Variants in PTPN3 observed in about 807,000 individuals in gnomAD.
PTPN3 encodes protein tyrosine phosphatase non-receptor type 3.
Under a neutral mutation model 132.7 loss-of-function variants are expected in PTPN3, and 96 were observed. That is an observed-to-expected ratio of 0.72 (90% CI 0.61 to 0.86). The LOEUF is 0.86. PTPN3 is among the 40% of genes least tolerant of loss of function. The pLI, the probability that PTPN3 is intolerant of heterozygous loss-of-function variation, is 0.00. For missense variants in PTPN3, 1,125 were observed against 1,159.6 expected, an observed-to-expected ratio of 0.97 and a Z score of 0.43; for synonymous variants, 398 against 429.0, an observed-to-expected ratio of 0.93 and a Z score of 0.89.
the PTPN3 span, among the ~76,000 whole-genome samples, chr9:109,521,093 C>CA: frequency 1.7e-4 from 26 of 151,962 alleles, no homozygotes; most frequent in Non-Finnish European, 2.9e-4. Flanking sequence ...AATGAATCAA[C>CA]AAAAAAAGAG....
intron 1 of PTPN3, among the ~76,000 whole-genome samples, chr9:109,476,564 G>A (rs1248681550): frequency 2.0e-5 from 3 of 152,178 alleles, no homozygotes; most frequent in Non-Finnish European, 4.4e-5. Context: ...AGAGTGGTCC[G>A]TGACTGGACC....
At chr9:109,529,371 A>G in the PTPN3 span, among the ~76,000 whole-genome samples, 1 of 152,240 alleles carries the variant, frequency 6.6e-6, no homozygotes, top group Admixed American at 6.5e-5. Flanking sequence ...CTGTGCTTTA[A>G]CCATCCCTTC....
the PTPN3 span, among the ~76,000 whole-genome samples, chr9:109,513,151 G>A: frequency 7.2e-5 from 11 of 152,100 alleles, no homozygotes; most frequent in Non-Finnish European, 1.3e-4. Context: ...TGGGACTACA[G>A]GTATGTGTAC....
chr9:109,486,827 T>C (rs771532377), intron 1 of PTPN3, among the ~76,000 whole-genome samples: 1 of 152,102 alleles, frequency 6.6e-6, no homozygotes, highest in Non-Finnish European at 1.5e-5. Flanking sequence ...CTGCTGTTCT[T>C]GTGATAGTGA....
the PTPN3 span, among the ~76,000 whole-genome samples, chr9:109,510,190 C>A: frequency 6.6e-6 from 1 of 152,124 alleles, no homozygotes; most frequent in African/African-American, 2.4e-5. Context: ...CCCATCTATT[C>A]AATGGAAAAA....
At chr9:109,437,665 C>G (rs925616302) in intron 8 of PTPN3, among the ~76,000 whole-genome samples, 1 of 152,218 alleles carries the variant, frequency 6.6e-6, no homozygotes, top group East Asian at 1.9e-4. Flanking sequence ...ATGCTCCCCA[C>G]TTGGACATAG....
chr9:109,389,195 A>G (rs375966290), intron 22 of PTPN3, 38 bp downstream of exon 22: 106 of 1,609,680 alleles, frequency 6.6e-5, no homozygotes, highest in Non-Finnish European at 8.7e-5. Context: ...GTAGGGTGTG[A>G]CACTGCACAC....
At chr9:109,467,651 G>C (rs1217974401) in intron 1 of PTPN3, among the ~76,000 whole-genome samples, 4 of 152,204 alleles carry the variant, frequency 2.6e-5, no homozygotes. Flanking sequence ...AAAAAACTAA[G>C]ATTTGAAACA....
chr9:109,383,209 C>G (rs893972669), intron 23 of PTPN3: 2 of 689,954 alleles, frequency 2.9e-6, no homozygotes, highest in Non-Finnish European at 4.9e-6. Context: ...ATTCCTCCAT[C>G]GATGGACACT....
rs548194684 is a variant in PTPN3, at chr9:109,455,619, T to C, written c.290-1045A>G. 2.0e-5 allele frequency among the ~76,000 whole-genome samples: 3 copies of C among 152,372 alleles called. No homozygotes were observed. In the South Asian group the frequency reaches 6.2e-4, roughly 32 times the overall value. ...GGATGGCGCTATGACAATCTGCACA[T>C]CAGGGGAGAACAATGTCCTCCTGCT... is the stretch of plus-strand genomic sequence containing the variant. On this transcript the variant is annotated intron_variant, in intron 4 of 25. Transcript: ENST00000374541.
At chr9:109,464,447 C>T (rs752397705) in intron 1 of PTPN3, among the ~76,000 whole-genome samples, 1 of 152,108 alleles carries the variant, frequency 6.6e-6, no homozygotes, top group South Asian at 2.1e-4. Context: ...AACTACCTTT[C>T]GGGTACTATG....
intron 1 of PTPN3, among the ~76,000 whole-genome samples, chr9:109,468,470 C>G (rs1467517532): frequency 7.9e-5 from 12 of 152,194 alleles, no homozygotes; most frequent in Admixed American, 2.0e-4. Flanking sequence ...GGGTTCACGC[C>G]ATTCTCCTGC....
the PTPN3 span, among the ~76,000 whole-genome samples, chr9:109,536,074 G>A: frequency 3.2e-4 from 49 of 152,174 alleles, no homozygotes; most frequent in South Asian, 1.9e-3. Context: ...TGTCTCTATG[G>A]ATTTGCCTAT....
chr9:109,413,984 G>C (rs1842282610), intron 14 of PTPN3, among the ~76,000 whole-genome samples: 1 of 152,192 alleles, frequency 6.6e-6, no homozygotes, highest in Non-Finnish European at 1.5e-5. Context: ...TGATGGAACA[G>C]GGGCCCTGTT....
chr9:109,393,584 A>T (rs1477742324), intron 19 of PTPN3, among the ~76,000 whole-genome samples: 2 of 151,764 alleles, frequency 1.3e-5, no homozygotes, highest in Non-Finnish European at 2.9e-5. Context: ...ACAGGGTTTC[A>T]TCATGTTGGC....
At chr9:109,506,938 A>G in the PTPN3 span, among the ~76,000 whole-genome samples, 1 of 152,206 alleles carries the variant, frequency 6.6e-6, no homozygotes, top group Non-Finnish European at 1.5e-5. Context: ...ACCTATTTTA[A>G]ATAAAAACAT....
the PTPN3 span, among the ~76,000 whole-genome samples, chr9:109,514,238 T>C: frequency 3.9e-5 from 6 of 152,058 alleles, no homozygotes; most frequent in Non-Finnish European, 5.9e-5. Flanking sequence ...CTCTCATTTT[T>C]CCCCCCAAAT....
At chr9:109,479,577 G>C (rs554850369) in intron 1 of PTPN3, among the ~76,000 whole-genome samples, 1 of 152,266 alleles carries the variant, frequency 6.6e-6, no homozygotes, top group East Asian at 1.9e-4. Context: ...TCTATCTATA[G>C]CTTTTTAAAA....
chr9:109,408,793 AAAAATAT>A (rs1331946703), intron 16 of PTPN3, among the ~76,000 whole-genome samples: 1,510 of 74,584 alleles, frequency 0.02, 42 homozygotes, highest in African/African-American at 0.071. Flanking sequence ...AAAAAAAAAA[AAAAATAT>A]ATATATATAT....
Sources: allele counts gnomAD v4.1 joint callset (sites outside exome capture counted in the v4.1 genomes callset), GRCh38; gene constraint gnomAD v4.1.1; transcripts MANE v1.5; gene names NCBI Gene and HGNC (gene_info 2026-07-23, HGNC 2026-07-21).